The following FAM234A variants were observed in gnomAD, a reference collection of about 807,000 sequenced individuals.
FAM234A encodes the protein family with sequence similarity 234 member A.
A neutral mutation model predicts 49.1 loss-of-function variants in FAM234A; 42 were observed. That is an observed-to-expected ratio of 0.86 (90% confidence interval 0.67 to 1.11). The LOEUF is 1.11. FAM234A is among the 50% of genes least tolerant of loss of function. The probability of loss-of-function intolerance (pLI) is 0.00; values close to 1 mark genes in which losing one functional copy is unlikely to be tolerated. For missense variants in FAM234A, 815 were observed against 745.2 expected (o/e 1.09, Z -1.09); for synonymous variants, 369 against 316.2 (o/e 1.17, Z -1.77).
rs528940441 is a variant in FAM234A at position 249,979 on chromosome 16, T to G, written c.-34+325T>G. ...TTTTTCTTTTTAGACGGAGTCTCGCTCTGTCGCCCAGGCTGGAGTGCAGTG... is the reference window on the plus strand; with the variant it reads ...TTTTTCTTTTTAGACGGAGTCTCGCGCTGTCGCCCAGGCTGGAGTGCAGTG... On this transcript the variant is annotated intron_variant, in intron 2 of 12. Transcript: ENST00000399932. 5.3e-5 allele frequency among the ~76,000 whole-genome samples: 8 copies of G among 152,312 alleles called. 1 individual carries two copies. Among genetic ancestry groups the G allele is most frequent in the African/African-American group, 1.9e-4 (8 of 41,548 alleles).
downstream of FAM234A, chr16:269,358 G>T (rs1018129727): frequency 6.2e-7 from 1 of 1,603,196 alleles, no homozygotes; most frequent in South Asian, 1.1e-5. Flanking sequence ...CTCGAGTGCC[G>T]TGGCCTCCAC....
At chr16:257,730 A>G (rs1270500841) in intron 3 of FAM234A, among the ~76,000 whole-genome samples, 1 of 152,136 alleles carries the variant, frequency 6.6e-6, no homozygotes. Flanking sequence ...TCACACCTGT[A>G]ATTCCAGCAG....
downstream of FAM234A, chr16:268,621 G>T: frequency 2.9e-6 from 2 of 689,326 alleles, no homozygotes; most frequent in Non-Finnish European, 4.9e-6. Context: ...CTATAAATCG[G>T]GGGGGAGGCC....
At chr16:266,318 G>T (rs558977311), downstream of FAM234A, among the ~76,000 whole-genome samples, 167 of 152,310 alleles carry the variant, frequency 1.1e-3, no homozygotes, top group African/African-American at 3.8e-3. Context: ...TCTCCGGTTT[G>T]AGGACCCCTG....
chr16:254,355 G>GC (rs1433355536), intron 2 of FAM234A, 26 bp from the exon 3 acceptor site: 35 of 1,589,402 alleles, frequency 2.2e-5, no homozygotes, highest in Non-Finnish European at 2.8e-5. Flanking sequence ...TGCTGGCCTC[G>GC]CCGACCTCTT....
chr16:266,859 A>G (rs1178506593), downstream of FAM234A, among the ~76,000 whole-genome samples: 2 of 152,158 alleles, frequency 1.3e-5, no homozygotes, highest in African/African-American at 4.8e-5. Flanking sequence ...GGGAAGGTTC[A>G]CTGGGGTTGC....
At chr16:261,590 T>C in intron 6 of FAM234A, 76 bp downstream of exon 6, 1 of 1,488,616 alleles carries the variant, frequency 6.7e-7, no homozygotes, top group South Asian at 1.2e-5. Flanking sequence ...CCCCATCTGC[T>C]GCCACTTCCC....
chr16:245,365 G>C (rs183142370), intron 1 of FAM234A, among the ~76,000 whole-genome samples: 4 of 152,214 alleles, frequency 2.6e-5, no homozygotes, highest in Admixed American at 1.3e-4. Context: ...AAAATGAAAT[G>C]CTTAACTTTT....
At chr16:256,639 C>T (rs777309814) in intron 3 of FAM234A, among the ~76,000 whole-genome samples, 5 of 151,970 alleles carry the variant, frequency 3.3e-5, no homozygotes, top group Admixed American at 2.0e-4. Context: ...GGCGCAATCT[C>T]GGCTCACTGC....
At chr16:244,222 C>G (rs1442508012) in intron 1 of FAM234A, among the ~76,000 whole-genome samples, 1 of 152,172 alleles carries the variant, frequency 6.6e-6, no homozygotes, top group African/African-American at 2.4e-5. Flanking sequence ...CCCGCCTTGG[C>G]CTCCCAAAGT....
downstream of FAM234A, among the ~76,000 whole-genome samples, chr16:266,639 G>C (rs1163438500): frequency 2.6e-5 from 4 of 152,216 alleles, no homozygotes; most frequent in African/African-American, 9.6e-5. Context: ...GTGTAACCTT[G>C]TTCCCATTGC....
chr16:262,540 A>G lies in FAM234A; in HGVS notation c.958A>G (p.Met320Val), dbSNP rs570746204. Residue 320 changes from methionine to valine, a missense_variant, in exon 8 of 13, where the codon ATG (methionine) becomes GTG (valine). Met to Val is a conservative substitution (Grantham distance 21, BLOSUM62 1). Transcript: ENST00000399932. Reference protein sequence around the residue: ...ESMLNATTRRMLSHSSGAVRY... With the variant: ...ESMLNATTRRVLSHSSGAVRY... ...CATGCTCAATGCCACCACCCGCAGG[A>G]TGCTTTCCCACAGGTGGGTCCGGGC... is the stretch of plus-strand genomic sequence containing the variant. The G allele has an allele frequency of 1.4e-5, 23 of 1,605,850 alleles. No homozygotes were observed. In the East Asian group the frequency reaches 4.9e-4, roughly 34 times the overall value.
intron 11 of FAM234A, 63 bp from the exon 12 acceptor site, chr16:264,551 C>T (rs2051615152): frequency 9.2e-7 from 1 of 1,088,400 alleles, no homozygotes; most frequent in South Asian, 1.3e-5. Context: ...GTCACTCTGA[C>T]AGCAGTGTCC....
intron 3 of FAM234A, 130 bp downstream of exon 3, chr16:254,811 C>T: frequency 1.1e-6 from 1 of 895,102 alleles, no homozygotes; most frequent in Admixed American, 2.4e-5. Flanking sequence ...AAGAGGCTGC[C>T]AGTTCTATGT....
chr16:247,245 C>G (rs531454444), intron 1 of FAM234A, among the ~76,000 whole-genome samples: 90 of 151,812 alleles, frequency 5.9e-4, no homozygotes, highest in Non-Finnish European at 6.6e-4. Flanking sequence ...ACCCTCCCAC[C>G]TCAGCTCCTG....
At chr16:255,241 C>A (rs557060134) in intron 3 of FAM234A, among the ~76,000 whole-genome samples, 11 of 152,194 alleles carry the variant, frequency 7.2e-5, no homozygotes, top group Admixed American at 2.0e-4. Context: ...CCTCCTCCCT[C>A]GGCCTCCCAA....
At position 236,822 on chromosome 16, in the gene FAM234A, C is replaced by G. The variant is rs1463199870; in HGVS notation, c.-140+1965C>G. ...GCGGGAGGCTGAGGCAGGAGAATGG[C>G]GGAAACCCCGGGGGGCGGAGCCTGC... On this transcript the variant is annotated intron_variant, in intron 1 of 12. Transcript: ENST00000399932. Among the ~76,000 whole-genome samples the G allele has an allele frequency of 3.5e-5, 4 of 115,284 alleles. 2 individuals are homozygous for G. Among genetic ancestry groups the G allele is most frequent in the Non-Finnish European group, 8.2e-5 (4 of 48,510 alleles). The allele number at this position is 115,284 out of a possible 152,430, so 75.6% of individuals were successfully genotyped here. A position where few individuals can be genotyped will look rare whatever the true frequency, so the allele number is the denominator to read the frequency against.
At position 265,615 on chromosome 16, in the gene FAM234A, C is replaced by G. The variant is rs985540272; in HGVS notation, c.*593C>G. 54 of 985,528 alleles carry G rather than the reference C, an allele frequency of 5.5e-5. No homozygotes were observed. Among genetic ancestry groups the G allele is most frequent in the Non-Finnish European group, 6.4e-5 (53 of 830,156 alleles). 61.0% of individuals were successfully genotyped at this position (985,528 alleles called of 1,614,324 possible). On this transcript the variant is annotated 3_prime_UTR_variant, in exon 13 of 13. Coordinates refer to ENST00000399932, the MANE Select transcript of FAM234A (RefSeq NM_032039.4). ...GGATCCTCTAGCATGGGGGGTGTGA[C>G]TTGGTTCCTTTGACCAGGTCCTGTG...
At chr16:252,901 C>T (rs1025728702) in intron 2 of FAM234A, among the ~76,000 whole-genome samples, 54 of 152,280 alleles carry the variant, frequency 3.5e-4, no homozygotes, top group Non-Finnish European at 4.4e-4. Flanking sequence ...TTTCACCCCT[C>T]CCTTTGCTGT....
Sources: allele counts gnomAD v4.1 joint callset (sites outside exome capture counted in the v4.1 genomes callset), GRCh38; gene constraint gnomAD v4.1.1; transcripts MANE v1.5; gene names NCBI Gene and HGNC (gene_info 2026-07-23, HGNC 2026-07-21).